Variants in CCDC171 observed in about 807,000 individuals in gnomAD.
The protein encoded by CCDC171 is coiled-coil domain containing 171.
Under a neutral mutation model 168.2 loss-of-function variants are expected in CCDC171, and 177 were observed. The ratio of observed to expected loss-of-function variants is 1.05; its 90% confidence interval spans 0.93 to 1.19. The LOEUF is 1.19. Ranked by LOEUF, CCDC171 falls within the 50% of genes most tolerant of loss-of-function variation. CCDC171 has a pLI of 0.00. For missense variants in CCDC171, 1,991 were observed against 1,539.0 expected (o/e 1.29, Z -4.91); for synonymous variants, 687 against 540.8 (o/e 1.27, Z -3.75).
At chr9:16,003,949 T>A (rs1287771554) in intron 3 of CCDC171, among the ~76,000 whole-genome samples, 2 of 152,090 alleles carry the variant, frequency 1.3e-5, no homozygotes, top group Non-Finnish European at 2.9e-5. Context: ...GGAGTCTGGA[T>A]TGGTTTACAG....
intron 21 of CCDC171, 21 bp from the exon 22 acceptor site, chr9:15,846,681 C>T: frequency 6.2e-7 from 1 of 1,611,092 alleles, no homozygotes; most frequent in Non-Finnish European, 8.5e-7. Flanking sequence ...ACAAGTAACT[C>T]TGTTTTCTGT....
At chr9:15,655,662 A>G (rs1422557247) in intron 7 of CCDC171, among the ~76,000 whole-genome samples, 1 of 152,232 alleles carries the variant, frequency 6.6e-6, no homozygotes, top group Non-Finnish European at 1.5e-5. Flanking sequence ...CATGTATCTA[A>G]CAAAGGACTT....
At chr9:15,696,499 A>G (rs2051226976) in intron 11 of CCDC171, among the ~76,000 whole-genome samples, 1 of 152,248 alleles carries the variant, frequency 6.6e-6, no homozygotes, top group African/African-American at 2.4e-5. Flanking sequence ...TCATAAAAGT[A>G]GGTGCAGGTA....
At chr9:16,056,394 G>C (rs1833841079) in intron 1 of CCDC171, among the ~76,000 whole-genome samples, 1 of 152,200 alleles carries the variant, frequency 6.6e-6, no homozygotes, top group South Asian at 2.1e-4. Context: ...ATTTTTAGTT[G>C]TACTAAGTAA....
intron 16 of CCDC171, among the ~76,000 whole-genome samples, chr9:15,738,633 A>C (rs1295032749): frequency 6.6e-5 from 10 of 151,990 alleles, no homozygotes; most frequent in Middle Eastern, 3.4e-3. Context: ...TTTTTTTTTA[A>C]AGCAAATTTG....
At chr9:15,938,161 G>T (rs1827310585) in intron 25 of CCDC171, among the ~76,000 whole-genome samples, 2 of 151,832 alleles carry the variant, frequency 1.3e-5, no homozygotes, top group Non-Finnish European at 2.9e-5. Flanking sequence ...CCTTGCAGAT[G>T]AGGAATCTCA....
chr9:15,946,782 T>C (rs1016880367), intron 25 of CCDC171, among the ~76,000 whole-genome samples: 1 of 152,086 alleles, frequency 6.6e-6, no homozygotes, highest in Non-Finnish European at 1.5e-5. Flanking sequence ...ACTACAAAGC[T>C]AGAATTCTTA....
chr9:15,647,491 G>C (rs951298788), intron 7 of CCDC171, among the ~76,000 whole-genome samples: 1 of 151,856 alleles, frequency 6.6e-6, no homozygotes, highest in Non-Finnish European at 1.5e-5. Flanking sequence ...AAAATTGCTA[G>C]ACCACTAGCA....
intron 7 of CCDC171, among the ~76,000 whole-genome samples, chr9:15,635,110 T>A (rs147322779): frequency 9.2e-5 from 14 of 152,114 alleles, no homozygotes; most frequent in Non-Finnish European, 1.6e-4. Context: ...TATATGTATA[T>A]GTGAAGGGGA....
intron 18 of CCDC171, among the ~76,000 whole-genome samples, chr9:15,749,981 C>T (rs185150892): frequency 7.5e-4 from 112 of 149,870 alleles, no homozygotes; most frequent in African/African-American, 2.6e-3. Context: ...CAGAGCAGAA[C>T]TGAAGGAGAT....
intron 3 of CCDC171, among the ~76,000 whole-genome samples, chr9:16,001,809 C>T (rs1465319815): frequency 6.6e-6 from 1 of 150,522 alleles, no homozygotes; most frequent in African/African-American, 2.4e-5. Flanking sequence ...TAATAAATGA[C>T]TATGTTACTG....
At chr9:15,757,735 G>A (rs934956252) in intron 18 of CCDC171, among the ~76,000 whole-genome samples, 2 of 152,142 alleles carry the variant, frequency 1.3e-5, no homozygotes, top group South Asian at 2.1e-4. Flanking sequence ...AGGGTCCCCC[G>A]TGCTGTGGTC....
intron 7 of CCDC171, among the ~76,000 whole-genome samples, chr9:15,636,749 CAAAA>C (rs35778640): frequency 6.2e-5 from 4 of 64,684 alleles, no homozygotes; most frequent in Admixed American, 2.2e-4. Flanking sequence ...GACCCTGCCT[CAAAA>C]AAAAAAAAAA....
chr9:15,630,401 A>C (rs1283510134), intron 7 of CCDC171, among the ~76,000 whole-genome samples: 1 of 152,208 alleles, frequency 6.6e-6, no homozygotes, highest in East Asian at 1.9e-4. Flanking sequence ...ACAGACTTTA[A>C]ACCAACAAAG....
At chr9:15,566,448 A>G (rs2039734493) in intron 2 of CCDC171, among the ~76,000 whole-genome samples, 1 of 151,992 alleles carries the variant, frequency 6.6e-6, no homozygotes, top group Non-Finnish European at 1.5e-5. Context: ...GGTCCCAGCT[A>G]CTCCAGAGGC....
intron 16 of CCDC171, among the ~76,000 whole-genome samples, chr9:15,743,117 G>C (rs1055620807): frequency 3.4e-5 from 5 of 145,990 alleles, no homozygotes; most frequent in African/African-American, 1.3e-4. Flanking sequence ...AATAGTAAAG[G>C]AAACTGGGAT....
intron 9 of CCDC171, among the ~76,000 whole-genome samples, chr9:15,673,932 CCT>C (rs1275046638): frequency 6.6e-6 from 1 of 152,066 alleles, no homozygotes; most frequent in Non-Finnish European, 1.5e-5. Flanking sequence ...GGTACCAGCT[CCT>C]CTTTGTACCT....
At chr9:15,733,630 A>T (rs2054291121) in intron 16 of CCDC171, among the ~76,000 whole-genome samples, 1 of 151,060 alleles carries the variant, frequency 6.6e-6, no homozygotes, top group South Asian at 2.1e-4. Context: ...CCATTTATTT[A>T]TGTGTCTAAT....
the CCDC171 span, among the ~76,000 whole-genome samples, chr9:16,086,710 C>T: frequency 1.3e-5 from 2 of 152,112 alleles, no homozygotes; most frequent in Non-Finnish European, 2.9e-5. Context: ...GTCTCTATCT[C>T]CTTCAGTTTG....
Sources: allele counts gnomAD v4.1 joint callset (sites outside exome capture counted in the v4.1 genomes callset), GRCh38; gene constraint gnomAD v4.1.1; transcripts MANE v1.5; gene names NCBI Gene and HGNC (gene_info 2026-07-23, HGNC 2026-07-21).